Variants in GTF2F2 observed in about 807,000 individuals in gnomAD.
GTF2F2 encodes ATP-dependent helicase GTF2F2.
A neutral mutation model predicts 42.2 loss-of-function variants in GTF2F2; 23 were observed. The observed-to-expected ratio is 0.55, with a 90% CI of 0.39 to 0.77. The LOEUF (loss-of-function observed/expected upper bound fraction) is 0.77. Ranked by LOEUF, GTF2F2 falls within the 30% of genes least tolerant of loss-of-function variation. GTF2F2 has a pLI of 0.00. For synonymous variants in GTF2F2, 105 were observed against 100.8 expected (o/e 1.04, Z -0.25); for missense variants, 261 against 287.2 (o/e 0.91, Z 0.66).
chr13:45,134,953 CTTTT>C (rs879506133), intron 1 of GTF2F2, among the ~76,000 whole-genome samples: 3 of 142,764 alleles, frequency 2.1e-5, no homozygotes, highest in African/African-American at 5.1e-5. Context: ...TATTGTCTAA[CTTTT>C]TTTTTTTTTT....
intron 4 of GTF2F2, among the ~76,000 whole-genome samples, chr13:45,173,369 CTGTGTGTG>C (rs374858973): frequency 0.012 from 1,811 of 147,426 alleles, 20 homozygotes; most frequent in Middle Eastern, 0.021. Context: ...TTGTACTTAA[CTGTGTGTG>C]TGTGTGTGTG....
chr13:45,170,424 C>A (rs1248861091), intron 4 of GTF2F2, among the ~76,000 whole-genome samples: 1 of 152,124 alleles, frequency 6.6e-6, no homozygotes, highest in Non-Finnish European at 1.5e-5. Context: ...TCTGACAAGG[C>A]TTAGAAGCAA....
chr13:45,129,837 A>T (rs1047325077), intron 1 of GTF2F2, among the ~76,000 whole-genome samples: 7 of 152,252 alleles, frequency 4.6e-5, no homozygotes, highest in African/African-American at 1.7e-4. Flanking sequence ...AAGGTCAAGG[A>T]TCTATAAAGT....
chr13:45,134,460 G>A (rs1475071405), intron 1 of GTF2F2, among the ~76,000 whole-genome samples: 1 of 152,104 alleles, frequency 6.6e-6, no homozygotes, highest in East Asian at 1.9e-4. Flanking sequence ...AGAGTCCTGA[G>A]GGCATCATTT....
chr13:45,283,255 G>T (rs1877336163), intron 7 of GTF2F2, among the ~76,000 whole-genome samples, 187 bp from the exon 8 acceptor site: 1 of 152,042 alleles, frequency 6.6e-6, no homozygotes, highest in Non-Finnish European at 1.5e-5. Flanking sequence ...TATATTTAGT[G>T]CAGTTACCAT....
At chr13:45,167,396 A>AT (rs761750778) in intron 4 of GTF2F2, among the ~76,000 whole-genome samples, 4,823 of 104,206 alleles carry the variant, frequency 0.046, 185 homozygotes, top group African/African-American at 0.061. Context: ...TCACCCAGCT[A>AT]TTTTTTTTTT....
chr13:45,228,299 T>TTTTTTTTTTTTA (rs1874474312), intron 5 of GTF2F2, among the ~76,000 whole-genome samples: 1 of 146,834 alleles, frequency 6.8e-6, no homozygotes, highest in Admixed American at 6.8e-5. Context: ...TTTTTTTTTT[T>TTTTTTTTTTTTA]GGAGACGGAG....
At chr13:45,266,685 T>A (rs1876574044) in intron 6 of GTF2F2, among the ~76,000 whole-genome samples, 1 of 152,218 alleles carries the variant, frequency 6.6e-6, no homozygotes, top group South Asian at 2.1e-4. Context: ...AATGTACACA[T>A]TATGCATTAC....
At chr13:45,215,812 ACT>A (rs1250097504) in intron 5 of GTF2F2, among the ~76,000 whole-genome samples, 5 of 151,898 alleles carry the variant, frequency 3.3e-5, no homozygotes. Context: ...CCTTAGGGAA[ACT>A]CAGTGGTAGA....
At chr13:45,248,460 T>C (rs1198984816) in intron 5 of GTF2F2, among the ~76,000 whole-genome samples, 1 of 151,962 alleles carries the variant, frequency 6.6e-6, no homozygotes, top group African/African-American at 2.4e-5. Flanking sequence ...TTTTGTGTGT[T>C]TTGTTTTTTT....
intron 1 of GTF2F2, among the ~76,000 whole-genome samples, chr13:45,125,987 G>A (rs1249340419): frequency 6.6e-6 from 1 of 152,158 alleles, no homozygotes; most frequent in African/African-American, 2.4e-5. Context: ...GTGACCTTGA[G>A]CAAGGGGTCT....
At chr13:45,182,230 A>T (rs1872199420) in intron 4 of GTF2F2, among the ~76,000 whole-genome samples, 1 of 152,176 alleles carries the variant, frequency 6.6e-6, no homozygotes, top group Admixed American at 6.5e-5. Flanking sequence ...GGCTTACTGC[A>T]GCCTCTGCCT....
chr13:45,207,507 T>C lies in GTF2F2; in HGVS notation c.386+2T>C, dbSNP rs1409523102. 13 of 1,591,380 alleles carry C rather than the reference T, an allele frequency of 8.2e-6. No homozygotes were observed. Among genetic ancestry groups the C allele is most frequent in the Non-Finnish European group, 1.1e-5 (13 of 1,159,570 alleles). On this transcript the variant is annotated splice_donor_variant, in intron 5 of 7. Coordinates refer to ENST00000340473, the MANE Select transcript of GTF2F2 (RefSeq NM_004128.3). LOFTEE classifies it high-confidence loss of function. ...TGAAAACTACATGCGATTAAAAAGG[T>C]TGGTGTTTTGTAACTCCAGAATGAT...
At chr13:45,252,801 A>G in intron 5 of GTF2F2, 70 bp from the exon 6 acceptor site, 3 of 685,032 alleles carry the variant, frequency 4.4e-6, no homozygotes, top group South Asian at 1.9e-5. Context: ...TAAGAATTAT[A>G]GAAATAATAA....
intron 1 of GTF2F2, among the ~76,000 whole-genome samples, chr13:45,126,144 T>C (rs984408326): frequency 3.9e-5 from 6 of 152,176 alleles, no homozygotes; most frequent in Non-Finnish European, 7.3e-5. Flanking sequence ...GCTTTTAATT[T>C]TCTGGGAGAA....
intron 5 of GTF2F2, among the ~76,000 whole-genome samples, chr13:45,212,636 G>A (rs959399923): frequency 2.5e-4 from 37 of 150,550 alleles, no homozygotes; most frequent in Middle Eastern, 3.4e-3. Flanking sequence ...AGCGATCTCC[G>A]CTCACTCCAG....
At chr13:45,273,630 C>G (rs191951091) in intron 7 of GTF2F2, among the ~76,000 whole-genome samples, 3 of 144,968 alleles carry the variant, frequency 2.1e-5, no homozygotes, top group African/African-American at 7.9e-5. Context: ...CCTTCCAGTC[C>G]CACTTGATTT....
intron 4 of GTF2F2, among the ~76,000 whole-genome samples, chr13:45,176,510 C>T (rs907457861): frequency 4.6e-5 from 7 of 151,904 alleles, no homozygotes; most frequent in Non-Finnish European, 1.0e-4. Context: ...AGTTGTAGTT[C>T]TTTATATATT....
At chr13:45,165,571 C>A (rs1010962668) in intron 4 of GTF2F2, among the ~76,000 whole-genome samples, 7 of 150,606 alleles carry the variant, frequency 4.6e-5, no homozygotes, top group South Asian at 2.1e-4. Flanking sequence ...GCCCTCGCCC[C>A]CCCCCGCCGC....
Sources: gnomAD v4.1 joint callset for allele counts (sites outside exome capture counted in the v4.1 genomes callset) on GRCh38, gnomAD v4.1.1 for gene constraint, MANE v1.5 for transcripts, NCBI Gene and HGNC (gene_info 2026-07-23, HGNC 2026-07-21) for gene names.